MPRIP: variants seen among roughly 807,000 people sequenced by gnomAD.
MPRIP encodes the protein myosin phosphatase Rho interacting protein.
A neutral mutation model predicts 234.9 loss-of-function variants in MPRIP; 59 were observed. The ratio of observed to expected loss-of-function variants is 0.25; its 90% CI spans 0.20 to 0.31. The LOEUF is 0.31. MPRIP is among the 10% of genes least tolerant of loss of function. MPRIP has a pLI of 1.00. For synonymous variants in MPRIP, 1,144 were observed against 1,263.9 expected, an observed-to-expected ratio of 0.91 and a Z score of 2.01; for missense variants, 2,436 against 3,071.0, an observed-to-expected ratio of 0.79 and a Z score of 4.89.
intron 3 of MPRIP, among the ~76,000 whole-genome samples, chr17:17,122,851 T>C (rs2090418684): frequency 6.6e-6 from 1 of 152,238 alleles, no homozygotes; most frequent in South Asian, 2.1e-4. Context: ...AGTTTCCATA[T>C]GACCCAGCAC....
At chr17:17,103,471 T>C (rs899345455) in intron 3 of MPRIP, among the ~76,000 whole-genome samples, 2 of 152,234 alleles carry the variant, frequency 1.3e-5, no homozygotes, top group Admixed American at 6.5e-5. Context: ...GCTCACCTTG[T>C]GCTTTGATCC....
chr17:17,123,519 A>G (rs1202926723), intron 3 of MPRIP, among the ~76,000 whole-genome samples: 3 of 151,820 alleles, frequency 2.0e-5, no homozygotes, highest in Admixed American at 1.3e-4. Flanking sequence ...AAAAATTACT[A>G]TAAAATACAA....
chr17:17,108,708 G>C (rs1038675610), intron 3 of MPRIP, among the ~76,000 whole-genome samples: 54 of 152,202 alleles, frequency 3.5e-4, no homozygotes, highest in African/African-American at 1.3e-3. Context: ...GGAGGGTGCT[G>C]GGGGTGGGGC....
At position 17,164,666 on chromosome 17, in the gene MPRIP, G is replaced by A; in HGVS notation, c.3075G>A (p.Leu1025=). ...AGCTGCAGAGAAACTATGAGCTGCTGCTGGAGAGCTGTGAGAAGGAGAAGC... is the reference window on the plus strand; with the variant it reads ...AGCTGCAGAGAAACTATGAGCTGCTACTGGAGAGCTGTGAGAAGGAGAAGC... ...EEKLQRNYEL[L]LESCEKEKQA... The change falls in exon 16 of 24, where the codon CTG becomes CTA. Residue 1025 remains leucine (L), a synonymous_variant. Coordinates refer to ENST00000651222, the MANE Select transcript of MPRIP (RefSeq NM_001364716.4). 4.0e-6 allele frequency: 5 copies of A among 1,249,600 alleles called. No homozygotes were observed. Among genetic ancestry groups the A allele is most frequent in the Non-Finnish European group, 5.2e-6 (5 of 965,432 alleles). The allele number at this position is 1,249,600 out of a possible 1,614,324, so 77.4% of individuals were successfully genotyped here. A position where few individuals can be genotyped will look rare whatever the true frequency, so the allele number is the denominator to read the frequency against.
chr17:17,068,690 C>T (rs2089117820), intron 1 of MPRIP, among the ~76,000 whole-genome samples: 2 of 151,766 alleles, frequency 1.3e-5, no homozygotes, highest in African/African-American at 2.4e-5. Context: ...GCCACCACAC[C>T]CAGCTAATTT....
intron 16 of MPRIP, chr17:17,169,113 T>C (rs2046074275): frequency 2.4e-6 from 1 of 414,794 alleles, no homozygotes; most frequent in African/African-American, 2.1e-5. Flanking sequence ...TCAAAACCTT[T>C]TAAAAACCAT....
At chr17:17,171,474 A>G in intron 16 of MPRIP, 1 of 489,726 alleles carries the variant, frequency 2.0e-6, no homozygotes, top group Non-Finnish European at 3.6e-6. Context: ...GGCACAGTAC[A>G]GTCACAGAAA....
At chr17:17,177,966 G>GC (rs2046292148) in intron 22 of MPRIP, among the ~76,000 whole-genome samples, 1 of 131,698 alleles carries the variant, frequency 7.6e-6, no homozygotes, top group Admixed American at 8.5e-5. Flanking sequence ...TTGCTCTGTT[G>GC]CCCAGGGTGG....
At chr17:17,113,293 G>T (rs8064296) in intron 3 of MPRIP, among the ~76,000 whole-genome samples, 6,807 of 152,290 alleles carry the variant, frequency 0.045, 472 homozygotes, top group African/African-American at 0.14. Flanking sequence ...CAGAATTTTT[G>T]AAAAGAAATT....
In MPRIP at chr17:17,158,994, G is replaced by A. The variant is rs746346055; in HGVS notation, c.2392G>A (p.Glu798Lys). The part of the protein sequence containing the change: ...LSTHELTSLL[E>K]KELEQSQKEA... The stretch of plus-strand genomic sequence containing the variant: ...CACACACGAGCTGACCTCTCTGCTC[G>A]AGAAGGAGGTAATAGCCTGGGACCA... The change falls in exon 14 of 24, where the codon GAG becomes AAG. Residue 798 changes from glutamate to lysine, a missense_variant. Glu to Lys is a moderately conservative substitution (Grantham distance 56). Around this residue, in one of 4 missense-constraint regions of MPRIP, gnomAD observed 1,998 missense variants for 2,520.3 expected, o/e 0.79. Transcript: ENST00000651222. 35 of 1,611,292 alleles carry A rather than the reference G, an allele frequency of 2.2e-5. No homozygotes were observed. Among genetic ancestry groups the A allele is most frequent in the Non-Finnish European group, 2.6e-5 (31 of 1,179,068 alleles).
At chr17:17,134,177 C>G (rs1313855358) in intron 5 of MPRIP, among the ~76,000 whole-genome samples, 1 of 152,238 alleles carries the variant, frequency 6.6e-6, no homozygotes, top group Non-Finnish European at 1.5e-5. Flanking sequence ...ATTCTTCCTT[C>G]CCGTTGGTTG....
rs1323575913 is a variant in MPRIP at position 17,190,957 on chromosome 17, G to A, written c.*6063G>A. The stretch of plus-strand genomic sequence containing the variant: ...TGCAGGGATTTTTGTGACAGAGTTT[G>A]TATGGGTTTTTAAAAAAATCTTAGA... On this transcript the variant is annotated 3_prime_UTR_variant, in exon 24 of 24. Transcript: ENST00000651222. The A allele has an allele frequency of 6.6e-6, 1 of 152,190 alleles. No homozygotes were observed. The highest frequency in any genetic ancestry group is 1.5e-5 in the Non-Finnish European group (1 of 68,026). 9.4% of individuals were successfully genotyped at this position (152,190 alleles called of 1,614,324 possible).
intron 1 of MPRIP, among the ~76,000 whole-genome samples, chr17:17,064,754 T>G (rs2088971518): frequency 6.6e-6 from 1 of 152,206 alleles, no homozygotes; most frequent in African/African-American, 2.4e-5. Flanking sequence ...TCGCATTCCA[T>G]GGTAAGAGGG....
intron 8 of MPRIP, among the ~76,000 whole-genome samples, 170 bp from the exon 9 acceptor site, chr17:17,143,386 G>A (rs1024229205): frequency 6.6e-6 from 1 of 152,204 alleles, no homozygotes; most frequent in Non-Finnish European, 1.5e-5. Flanking sequence ...CTCAGGACCC[G>A]GGTCCTGTCC....
intron 1 of MPRIP, among the ~76,000 whole-genome samples, chr17:17,068,295 C>A (rs541421279): frequency 1.5e-3 from 235 of 151,852 alleles, no homozygotes; most frequent in African/African-American, 5.3e-3. Context: ...GGATTACAGG[C>A]ATGCTCCACT....
rs376212629 is a variant in MPRIP, at chr17:17,158,674, G to T, written c.2072G>T (p.Arg691Leu). Residue 691 changes from arginine (R) to leucine (L), a missense_variant, in exon 14 of 24, where the codon CGC (arginine) becomes CTC (leucine). Physicochemically the swap from Arg to Leu is moderately radical, Grantham distance 102 (BLOSUM62 -2). Transcript: ENST00000651222. Reference protein sequence around the residue: ...VGPADTHEPLRPEAEPGELER... With the variant: ...VGPADTHEPLLPEAEPGELER... ...CCTGCTGACACCCACGAGCCCCTGC[G>T]CCCTGAGGCGGAGCCTGGGGAGCTG... is the stretch of plus-strand genomic sequence containing the variant. 26 of 1,607,092 alleles carry T rather than the reference G, an allele frequency of 1.6e-5. No individual in the cohort carries two copies. The highest frequency in any genetic ancestry group is 1.1e-4 in the African/African-American group (8 of 74,786).
rs755225377 is a variant in MPRIP, at chr17:17,158,819, G to A, written c.2217G>A (p.Gly739=). The A allele has an allele frequency of 5.6e-6, 9 of 1,611,572 alleles. No individual in the cohort carries two copies. The highest frequency in any genetic ancestry group is 2.0e-4 in the Middle Eastern group (1 of 5,030). ...ALRMEVDRSP[G]LPMSDLKTHN... ...GCATGGAGGTGGACCGGAGCCCAGGGCTGCCTATGAGCGACCTCAAAACGC... is the reference window on the plus strand; with the variant it reads ...GCATGGAGGTGGACCGGAGCCCAGGACTGCCTATGAGCGACCTCAAAACGC... Residue 739 remains glycine (G), a synonymous_variant, in exon 14 of 24, where the codon GGG becomes GGA. Coordinates refer to ENST00000651222, the MANE Select transcript of MPRIP (RefSeq NM_001364716.4).
chr17:17,046,367 T>C (rs966819850), intron 1 of MPRIP, among the ~76,000 whole-genome samples: 3 of 152,200 alleles, frequency 2.0e-5, no homozygotes, highest in Non-Finnish European at 4.4e-5. Context: ...TAAATACTTC[T>C]GGGTGTGTGT....
intron 10 of MPRIP, 126 bp from the exon 11 acceptor site, chr17:17,147,193 G>C (rs1438819917): frequency 1.1e-6 from 1 of 871,326 alleles, no homozygotes; most frequent in Non-Finnish European, 1.9e-6. Context: ...GGAGGGGCCA[G>C]CCTGTCCCCT....
Sources: allele counts gnomAD v4.1 joint callset (sites outside exome capture counted in the v4.1 genomes callset), GRCh38; gene constraint gnomAD v4.1.1; regional missense constraint gnomAD v4.1.1; transcripts MANE v1.5; gene names NCBI Gene and HGNC (gene_info 2026-07-23, HGNC 2026-07-21).